SLC16A10: variants seen among roughly 807,000 people sequenced by gnomAD.
SLC16A10 encodes solute carrier family 16 member 10.
In SLC16A10, 27 loss-of-function variants were observed where a neutral mutation model predicts 40.0. The observed-to-expected ratio is 0.67, with a 90% CI of 0.50 to 0.93. The LOEUF is 0.93. Ranked by LOEUF, SLC16A10 falls within the 40% of genes least tolerant of loss-of-function variation. The pLI is 0.00. For synonymous variants in SLC16A10, 213 were observed against 249.8 expected, an observed-to-expected ratio of 0.85 and a Z score of 1.39; for missense variants, 529 against 658.2, an observed-to-expected ratio of 0.80 and a Z score of 2.15.
At chr6:111,136,630 A>C (rs1771882146) in intron 1 of SLC16A10, among the ~76,000 whole-genome samples, 1 of 152,246 alleles carries the variant, frequency 6.6e-6, no homozygotes, top group African/African-American at 2.4e-5. Context: ...ACTGTCAACA[A>C]GTAATTGCTC....
At chr6:111,108,024 CTT>C (rs368446572) in intron 1 of SLC16A10, among the ~76,000 whole-genome samples, 44 of 143,538 alleles carry the variant, frequency 3.1e-4, no homozygotes, top group Non-Finnish European at 3.1e-4. Flanking sequence ...CACTTACAGT[CTT>C]TTTTTTTTTT....
chr6:111,106,184 T>C (rs1313149172), intron 1 of SLC16A10, among the ~76,000 whole-genome samples: 1 of 152,154 alleles, frequency 6.6e-6, no homozygotes, highest in Non-Finnish European at 1.5e-5. Context: ...GTTTGAAAAA[T>C]AGAATTCATG....
chr6:111,128,563 AAC>A (rs141470473), intron 1 of SLC16A10, among the ~76,000 whole-genome samples: 15,268 of 152,240 alleles, frequency 0.1, 1,009 homozygotes, highest in Middle Eastern at 0.17. Context: ...TTAATTCCAT[AAC>A]ACCACACTCT....
intron 1 of SLC16A10, among the ~76,000 whole-genome samples, chr6:111,112,008 GTATAGA>G (rs1215451337): frequency 2.2e-3 from 335 of 152,138 alleles, no homozygotes; most frequent in South Asian, 4.4e-3. Flanking sequence ...ATATAGGTAT[GTATAGA>G]TATAGATATA....
intron 1 of SLC16A10, among the ~76,000 whole-genome samples, chr6:111,105,022 C>A (rs1771258589): frequency 6.6e-6 from 1 of 152,062 alleles, no homozygotes; most frequent in African/African-American, 2.4e-5. Flanking sequence ...TTAGGTATTT[C>A]CAAAACTTCG....
At chr6:111,189,733 A>G (rs192375037) in intron 3 of SLC16A10, among the ~76,000 whole-genome samples, 2 of 152,216 alleles carry the variant, frequency 1.3e-5, no homozygotes, top group Admixed American at 1.3e-4. Flanking sequence ...AAACCATCAG[A>G]TCACATGAGA....
chr6:111,089,206 A>G (rs1288358883), intron 1 of SLC16A10, among the ~76,000 whole-genome samples: 1 of 152,188 alleles, frequency 6.6e-6, no homozygotes, highest in African/African-American at 2.4e-5. Flanking sequence ...ATTCTGAGAC[A>G]AAGGTAATGC....
intron 3 of SLC16A10, among the ~76,000 whole-genome samples, chr6:111,204,586 C>T (rs1348343400): frequency 6.6e-6 from 1 of 152,160 alleles, no homozygotes. Flanking sequence ...TGGATAAGAA[C>T]ATGTTGGCAT....
chr6:111,182,093 G>T (rs1379545291), intron 3 of SLC16A10, among the ~76,000 whole-genome samples: 4 of 151,922 alleles, frequency 2.6e-5, no homozygotes. Context: ...CCACTTCCCG[G>T]ATTCAAGTGA....
intron 1 of SLC16A10, among the ~76,000 whole-genome samples, chr6:111,161,334 T>C: frequency 6.7e-6 from 1 of 150,332 alleles, no homozygotes; most frequent in East Asian, 2.0e-4. Context: ...CTCAATCCAG[T>C]CCATGGATTT....
In SLC16A10 at chr6:111,172,703, G is replaced by T. The variant is rs1176489030; in HGVS notation, c.352G>T (p.Gly118Cys). ...DKMVFKTAWV[G>C]SLSMGMIFFC... is the part of the protein sequence containing the mutation. ...TTTCCCTTCTTTTACAGCATGGGTA[G>T]GTTCTCTCTCCATGGGGATGATTTT... The change falls in exon 2 of 6, where the codon GGT (glycine) becomes TGT (cysteine). Residue 118 changes from glycine (G) to cysteine (C), a missense_variant. Gly to Cys is a radical substitution (Grantham distance 159). Coordinates refer to ENST00000368851, the MANE Select transcript of SLC16A10 (RefSeq NM_018593.5). 3.1e-6 allele frequency: 5 copies of T among 1,613,742 alleles called. No individual in the cohort carries two copies. The highest frequency in any genetic ancestry group is 3.4e-6 in the Non-Finnish European group (4 of 1,179,820).
At chr6:111,124,144 G>A (rs868726993) in intron 1 of SLC16A10, among the ~76,000 whole-genome samples, 33 of 152,212 alleles carry the variant, frequency 2.2e-4, no homozygotes, top group African/African-American at 7.7e-4. Flanking sequence ...TTCTTGATTA[G>A]TAATGGGCTT....
intron 1 of SLC16A10, among the ~76,000 whole-genome samples, chr6:111,124,742 T>C (rs1176797649): frequency 6.6e-6 from 1 of 152,226 alleles, no homozygotes; most frequent in African/African-American, 2.4e-5. Flanking sequence ...GAGTAATAAT[T>C]TTCAGTGTAA....
At chr6:111,164,392 T>C (rs561567561) in intron 1 of SLC16A10, among the ~76,000 whole-genome samples, 3 of 152,186 alleles carry the variant, frequency 2.0e-5, no homozygotes, top group Non-Finnish European at 4.4e-5. Context: ...CCTTAAGTTG[T>C]AGCGACTCTG....
intron 1 of SLC16A10, among the ~76,000 whole-genome samples, chr6:111,113,157 A>G (rs1448434282): frequency 6.6e-6 from 1 of 152,228 alleles, no homozygotes; most frequent in Non-Finnish European, 1.5e-5. Flanking sequence ...GTTCTGTAAT[A>G]CTTTAATATG....
intron 1 of SLC16A10, among the ~76,000 whole-genome samples, chr6:111,141,618 C>T (rs1289042792): frequency 6.6e-6 from 1 of 152,182 alleles, no homozygotes; most frequent in African/African-American, 2.4e-5. Flanking sequence ...GCCGAGATCA[C>T]ACCATTGCAC....
intron 3 of SLC16A10, among the ~76,000 whole-genome samples, chr6:111,203,255 A>G (rs1207609150): frequency 6.6e-6 from 1 of 152,052 alleles, no homozygotes; most frequent in Non-Finnish European, 1.5e-5. Context: ...AACATACCAG[A>G]CCTCCTGGGT....
intron 1 of SLC16A10, among the ~76,000 whole-genome samples, chr6:111,166,759 TTGAG>T (rs1772481089): frequency 1.3e-5 from 2 of 152,232 alleles, no homozygotes; most frequent in African/African-American, 2.4e-5. Flanking sequence ...CCTAACCACT[TTGAG>T]TGATTTGCAT....
At chr6:111,120,342 A>G (rs1771562161) in intron 1 of SLC16A10, among the ~76,000 whole-genome samples, 1 of 152,232 alleles carries the variant, frequency 6.6e-6, no homozygotes, top group Non-Finnish European at 1.5e-5. Context: ...AGGCTTAGAT[A>G]ACTCTGGAAG....
Sources: gnomAD v4.1 joint callset for allele counts (sites outside exome capture counted in the v4.1 genomes callset) on GRCh38, gnomAD v4.1.1 for gene constraint, MANE v1.5 for transcripts, NCBI Gene and HGNC (gene_info 2026-07-23, HGNC 2026-07-21) for gene names.